ZDHHC14: variants seen among roughly 807,000 people sequenced by gnomAD.
ZDHHC14 encodes palmitoyltransferase ZDHHC14.
ZDHHC14 carries 16 observed loss-of-function variants against 47.7 expected under a neutral mutation model. The observed-to-expected ratio is 0.34, with a 90% CI of 0.23 to 0.51. The LOEUF (loss-of-function observed/expected upper bound fraction) is 0.51. ZDHHC14 is among the 20% of genes least tolerant of loss of function. The pLI is 0.97. For synonymous variants in ZDHHC14, 293 were observed against 278.9 expected (o/e 1.05, Z -0.50); for missense variants, 515 against 662.5 (o/e 0.78, Z 2.44).
intron 2 of ZDHHC14, among the ~76,000 whole-genome samples, chr6:157,590,073 T>G (rs1783850549): frequency 6.6e-6 from 1 of 152,148 alleles, no homozygotes; most frequent in Non-Finnish European, 1.5e-5. Flanking sequence ...TTTGTGGAAC[T>G]TGAGAGAGAT....
chr6:157,395,470 C>T (rs987738813), intron 1 of ZDHHC14, among the ~76,000 whole-genome samples: 31 of 151,984 alleles, frequency 2.0e-4, no homozygotes, highest in East Asian at 1.4e-3. Flanking sequence ...CTAGCCTTTC[C>T]GTCTCTATTG....
intron 1 of ZDHHC14, among the ~76,000 whole-genome samples, chr6:157,397,236 A>G (rs986450649): frequency 6.6e-6 from 1 of 152,170 alleles, no homozygotes; most frequent in Non-Finnish European, 1.5e-5. Context: ...CTTACTTCCC[A>G]TTCTCTCTTC....
chr6:157,443,886 G>T (rs1194460342), intron 1 of ZDHHC14, among the ~76,000 whole-genome samples: 3 of 152,170 alleles, frequency 2.0e-5, no homozygotes, highest in African/African-American at 4.8e-5. Flanking sequence ...TTCTGCTTCA[G>T]ATTAAATGCC....
chr6:157,452,259 T>TTA (rs1554258574), intron 1 of ZDHHC14, among the ~76,000 whole-genome samples: 2 of 151,326 alleles, frequency 1.3e-5, no homozygotes, highest in Non-Finnish European at 3.0e-5. Context: ...TTTTTTTTTT[T>TTA]ATAACTAGAC....
At chr6:157,664,981 T>G (rs1353427982) in intron 8 of ZDHHC14, among the ~76,000 whole-genome samples, 1 of 152,168 alleles carries the variant, frequency 6.6e-6, no homozygotes, top group African/African-American at 2.4e-5. Context: ...TGACCTCTGT[T>G]TTCTCTATAG....
rs1418016048 is a variant in ZDHHC14 at position 157,672,727 on chromosome 6, G to A, written c.1072G>A (p.Asp358Asn). ...GATQSQSDMCDQDQCIQSTKF... is the reference protein window; with the variant it reads ...GATQSQSDMCNQDQCIQSTKF... Reference sequence around the variant, plus strand: ...GCTGGCGCCTCCCGCTCTCCAGTGCGACCAAGACCAGTGCATTCAGAGCAC... The same window carrying A: ...GCTGGCGCCTCCCGCTCTCCAGTGCAACCAAGACCAGTGCATTCAGAGCAC... The change falls in exon 9 of 9, where the codon GAC becomes AAC. Residue 358 changes from aspartate (D) to asparagine (N), a missense_variant. Around this residue, in one of 4 missense-constraint regions of ZDHHC14, gnomAD observed 221 missense variants for 233.6 expected, o/e 0.95. Coordinates refer to ENST00000359775, the MANE Select transcript of ZDHHC14 (RefSeq NM_024630.3). The A allele has an allele frequency of 1.1e-5, 18 of 1,607,842 alleles. No homozygotes were observed. Among genetic ancestry groups the A allele is most frequent in the South Asian group, 4.4e-5 (4 of 90,518 alleles).
intron 1 of ZDHHC14, among the ~76,000 whole-genome samples, chr6:157,389,473 G>A (rs934714543): frequency 6.6e-6 from 1 of 152,120 alleles, no homozygotes; most frequent in Non-Finnish European, 1.5e-5. Context: ...TCCGTATTCA[G>A]ATTTTGCCAT....
At chr6:157,611,880 C>T (rs575153686) in intron 3 of ZDHHC14, among the ~76,000 whole-genome samples, 2 of 152,210 alleles carry the variant, frequency 1.3e-5, no homozygotes. Context: ...GTGTTTATAC[C>T]TGTGTCTTGC....
At chr6:157,585,186 G>A (rs554240350) in intron 2 of ZDHHC14, among the ~76,000 whole-genome samples, 4 of 151,980 alleles carry the variant, frequency 2.6e-5, no homozygotes, top group Non-Finnish European at 4.4e-5. Context: ...CAGCCTAGGT[G>A]ACAAGAGCAA....
intron 1 of ZDHHC14, among the ~76,000 whole-genome samples, chr6:157,480,479 C>T (rs374736933): frequency 1.7e-4 from 26 of 152,122 alleles, no homozygotes; most frequent in East Asian, 1.3e-3. Flanking sequence ...GTTGGCCAGG[C>T]TGGTCTTGAA....
intron 7 of ZDHHC14, among the ~76,000 whole-genome samples, chr6:157,653,175 C>T (rs896589926): frequency 4.6e-5 from 7 of 152,118 alleles, no homozygotes; most frequent in African/African-American, 1.2e-4. Context: ...AGTAAGAAGA[C>T]GTGCAGTTGA....
rs577223029 is a variant in ZDHHC14 at position 157,663,798 on chromosome 6, T to A, written c.1069-8926T>A. Among the ~76,000 whole-genome samples the A allele has an allele frequency of 2.6e-5, 4 of 152,346 alleles. No individual in the cohort carries two copies. In the South Asian group the frequency reaches 8.3e-4, roughly 32 times the overall value. ...ACACGGGGCTCACCACTTCCCAGAC[T>A]ATACCACATGGACATACCACATGCT... On this transcript the variant is annotated intron_variant, in intron 8 of 8. Coordinates refer to ENST00000359775, the MANE Select transcript of ZDHHC14 (RefSeq NM_024630.3).
rs1013754866 is a variant in ZDHHC14, at chr6:157,502,210, A to T, written c.246-40375A>T. On this transcript the variant is annotated intron_variant, in intron 1 of 8. Transcript: ENST00000359775. The surrounding 1 kb of genome is among the most constrained non-coding windows in gnomAD (Gnocchi z 4.0). Reference sequence around the variant, plus strand: ...AGGAGGCTGCAAAGTACAGGACAGCATAACACCTTCCTTTAAGATATGCAC... The same window carrying T: ...AGGAGGCTGCAAAGTACAGGACAGCTTAACACCTTCCTTTAAGATATGCAC... Among the ~76,000 whole-genome samples the T allele has an allele frequency of 6.6e-6, 1 of 152,236 alleles. No homozygotes were observed. Among genetic ancestry groups the T allele is most frequent in the Admixed American group, 6.5e-5 (1 of 15,286 alleles).
At chr6:157,615,787 T>TTTTGTTTTGTTTTG in intron 3 of ZDHHC14, among the ~76,000 whole-genome samples, 1 of 151,454 alleles carries the variant, frequency 6.6e-6, no homozygotes, top group Non-Finnish European at 1.5e-5. Flanking sequence ...GCTGACTGCA[T>TTTTGTTTTGTTTTG]TTTTGTTTTG....
At chr6:157,617,565 C>T (rs1468730770) in intron 3 of ZDHHC14, among the ~76,000 whole-genome samples, 1 of 152,064 alleles carries the variant, frequency 6.6e-6, no homozygotes, top group East Asian at 1.9e-4. Context: ...GAGAAGCATG[C>T]CAATTGGGAA....
intron 8 of ZDHHC14, among the ~76,000 whole-genome samples, chr6:157,662,546 C>G (rs1471945665): frequency 6.6e-6 from 1 of 152,288 alleles, no homozygotes; most frequent in Non-Finnish European, 1.5e-5. Flanking sequence ...GGCTCGCACA[C>G]AGGAGGCTCA....
chr6:157,511,638 C>T (rs1212352915), intron 1 of ZDHHC14, among the ~76,000 whole-genome samples: 2 of 151,084 alleles, frequency 1.3e-5, no homozygotes, highest in African/African-American at 4.9e-5. Context: ...AGGTGATCCA[C>T]CCACCTCGGC....
At chr6:157,630,162 TAG>T (rs1785618328) in intron 4 of ZDHHC14, 1 of 152,248 alleles carries the variant, frequency 6.6e-6, no homozygotes, top group South Asian at 2.1e-4. Flanking sequence ...GTATTTTTAG[TAG>T]AGATAGGGTT....
intron 1 of ZDHHC14, among the ~76,000 whole-genome samples, chr6:157,403,940 C>T (rs1022152954): frequency 9.2e-5 from 14 of 152,350 alleles, no homozygotes; most frequent in African/African-American, 2.6e-4. Flanking sequence ...GGCACACAAA[C>T]GGGAGGACTT....
Sources: gnomAD v4.1 joint callset for allele counts (sites outside exome capture counted in the v4.1 genomes callset) on GRCh38, gnomAD v4.1.1 for gene constraint, gnomAD v4.1.1 regional missense constraint, Gnocchi (gnomAD v3.1) non-coding constraint, MANE v1.5 for transcripts, NCBI Gene and HGNC (gene_info 2026-07-23, HGNC 2026-07-21) for gene names.